Variants in BRF1 observed in about 807,000 individuals in gnomAD.
The protein encoded by BRF1 is BRF1 general transcription factor IIIB subunit, also known as transcription factor IIIB 90 kDa subunit.
Under a neutral mutation model 81.7 loss-of-function variants are expected in BRF1, and 59 were observed. The ratio of observed to expected loss-of-function variants is 0.72; its 90% CI spans 0.59 to 0.90. The LOEUF is 0.90. BRF1 is among the 40% of genes least tolerant of loss of function. The pLI, the probability that BRF1 is intolerant of heterozygous loss-of-function variation, is 0.00. For missense variants in BRF1, 1,050 were observed against 936.3 expected, an observed-to-expected ratio of 1.12 and a Z score of -1.58; for synonymous variants, 491 against 395.6, an observed-to-expected ratio of 1.24 and a Z score of -2.86.
chr14:105,211,078 C>T (rs1301900361), intron 17 of BRF1, 44 bp downstream of exon 17: 2 of 1,605,466 alleles, frequency 1.2e-6, no homozygotes, highest in African/African-American at 2.7e-5. Context: ...TAGCTGATGC[C>T]TTTATTTCCC....
intron 5 of BRF1, among the ~76,000 whole-genome samples, chr14:105,246,598 T>C (rs1273984297): frequency 1.3e-5 from 2 of 151,732 alleles, no homozygotes; most frequent in East Asian, 3.9e-4. Context: ...GCCTCCCGAA[T>C]AGCTGGGATT....
chr14:105,264,153 G>A (rs1258685365), intron 3 of BRF1, among the ~76,000 whole-genome samples: 1 of 152,116 alleles, frequency 6.6e-6, no homozygotes, highest in African/African-American at 2.4e-5. Context: ...ATGAAGAAAT[G>A]AAGAATCTTA....
chr14:105,241,264 C>G lies in BRF1; in HGVS notation c.694+1G>C. 3 of 1,611,204 alleles carry G rather than the reference C, an allele frequency of 1.9e-6. No individual in the cohort carries two copies. Among genetic ancestry groups the G allele is most frequent in the Non-Finnish European group, 2.5e-6 (3 of 1,179,708 alleles). On this transcript the variant is annotated splice_donor_variant, in intron 6 of 17. Coordinates refer to ENST00000547530, the MANE Select transcript of BRF1 (RefSeq NM_001519.4). LOFTEE classifies it high-confidence loss of function. ...CCCCAGGCAGGCAGGGCCCGCTGTACCTGCTCCGCAGAGGCCCGAGGGGCG... is the reference window on the plus strand; with the variant it reads ...CCCCAGGCAGGCAGGGCCCGCTGTAGCTGCTCCGCAGAGGCCCGAGGGGCG...
intron 1 of BRF1, among the ~76,000 whole-genome samples, chr14:105,310,757 A>G (rs10148455): frequency 0.13 from 20,497 of 152,132 alleles, 4,676 homozygotes; most frequent in African/African-American, 0.47. Flanking sequence ...CATGTTCATC[A>G]TGGAGAAAAT....
At chr14:105,221,400 G>A (rs796620626) in intron 11 of BRF1, among the ~76,000 whole-genome samples, 16 of 152,318 alleles carry the variant, frequency 1.1e-4, no homozygotes, top group African/African-American at 3.4e-4. Flanking sequence ...ACCTGAAGGC[G>A]GTCCCAGTGA....
rs760613469 is a variant in BRF1 at position 105,263,234 on chromosome 14, C to CAAAAAAAAA, written c.440-6694_440-6686dup. On this transcript the variant is annotated intron_variant, in intron 3 of 17. Coordinates refer to ENST00000547530, the MANE Select transcript of BRF1 (RefSeq NM_001519.4). ...CCTGGGCAACAGAGTAAGACTCCATCAAAAAAAAAAAAAAAAAAAAAGTAG... is the reference window on the plus strand; with the variant it reads ...CCTGGGCAACAGAGTAAGACTCCATCAAAAAAAAAAAAAAAAAAAAAAAAAAAAAAGTAG... 1.7e-4 allele frequency among the ~76,000 whole-genome samples: 14 copies of CAAAAAAAAA among 83,526 alleles called. 1 individual carries two copies. Among genetic ancestry groups the CAAAAAAAAA allele is most frequent in the African/African-American group, 4.5e-4 (9 of 20,030 alleles). The allele number at this position is 83,526 out of a possible 152,430, so 54.8% of individuals were successfully genotyped here.
At chr14:105,241,852 C>T (rs2054686834) in intron 5 of BRF1, 3 of 218,096 alleles carry the variant, frequency 1.4e-5, no homozygotes, top group South Asian at 1.4e-4. Context: ...GAGAGGAGGG[C>T]CCACTTCTGG....
At chr14:105,223,710 T>C (rs1384168509) in intron 10 of BRF1, among the ~76,000 whole-genome samples, 6 of 152,290 alleles carry the variant, frequency 3.9e-5, no homozygotes, top group African/African-American at 1.4e-4. Context: ...TTCTTGGTTG[T>C]CACTATGGCT....
chr14:105,249,290 C>CCCGT (rs778397572), intron 5 of BRF1: 9 of 1,570,748 alleles, frequency 5.7e-6, no homozygotes, highest in Admixed American at 3.7e-5. Context: ...CCCCGTCCGC[C>CCCGT]CCGTCCGCCG....
At chr14:105,297,904 G>A (rs998947253) in intron 1 of BRF1, among the ~76,000 whole-genome samples, 2 of 152,152 alleles carry the variant, frequency 1.3e-5, no homozygotes, top group Non-Finnish European at 1.5e-5. Flanking sequence ...GCTGAGGCAG[G>A]AGAATGGCGT....
At chr14:105,218,131 C>T (rs1008057586) in intron 14 of BRF1, among the ~76,000 whole-genome samples, 1 of 152,216 alleles carries the variant, frequency 6.6e-6, no homozygotes, top group Non-Finnish European at 1.5e-5. Context: ...ATGCACACGG[C>T]AGGGCGATGT....
At position 105,226,117 on chromosome 14, in the gene BRF1, T is replaced by G; in HGVS notation, c.1000A>C (p.Asn334His). 6.2e-7 allele frequency: 1 copy of G among 1,613,992 alleles called. No homozygotes were observed. The highest frequency in any genetic ancestry group is 1.3e-5 in the African/African-American group (1 of 75,078). ...CCCCCCTTGGCCTTTGGCCGGCTGT[T>G]TTCTAGTTCAATCTCAATTGCATCC... Reference protein sequence around the residue: ...YQDAIEIELENSRPKAKGGLA... With the variant: ...YQDAIEIELEHSRPKAKGGLA... Residue 334 changes from asparagine to histidine, a missense_variant, in exon 10 of 18, where the codon AAC becomes CAC. Transcript: ENST00000547530.
chr14:105,314,381 C>G (rs1415410864), intron 1 of BRF1: 1 of 151,006 alleles, frequency 6.6e-6, no homozygotes, highest in Admixed American at 6.6e-5. Context: ...ATGAGCTTTC[C>G]TTAGGGGGCG....
At chr14:105,307,594 C>G (rs1275253284) in intron 1 of BRF1, among the ~76,000 whole-genome samples, 1 of 152,182 alleles carries the variant, frequency 6.6e-6, no homozygotes, top group Non-Finnish European at 1.5e-5. Context: ...CTCCTGGGTA[C>G]TCAATAGCCC....
intron 4 of BRF1, among the ~76,000 whole-genome samples, chr14:105,255,212 T>TG (rs1371793927): frequency 6.6e-6 from 1 of 152,228 alleles, no homozygotes; most frequent in Non-Finnish European, 1.5e-5. Context: ...TCATCTTCCC[T>TG]GGGAAGTCGT....
intron 2 of BRF1, among the ~76,000 whole-genome samples, chr14:105,274,884 T>A (rs931124234): frequency 2.0e-5 from 3 of 152,124 alleles, no homozygotes; most frequent in African/African-American, 7.2e-5. Flanking sequence ...TCCAGGCAAT[T>A]AGCCCCATGG....
At chr14:105,221,603 T>A in intron 11 of BRF1, 45 bp downstream of exon 11, 1 of 1,578,330 alleles carries the variant, frequency 6.3e-7, no homozygotes, top group Non-Finnish European at 8.5e-7. Context: ...GCCTGAAAGA[T>A]CTCCCGATGA....
At chr14:105,219,825 A>G (rs1891970904) in intron 12 of BRF1, 1 of 572,902 alleles carries the variant, frequency 1.7e-6, no homozygotes, top group African/African-American at 1.9e-5. Context: ...CTATGTGCCG[A>G]GGGCCGCAAG....
Position 105,290,247 on chromosome 14 carries a change from C to T in BRF1, c.185-3871G>A, listed in dbSNP as rs182358855. Among the ~76,000 whole-genome samples the T allele has an allele frequency of 2.4e-3, 365 of 152,114 alleles. 1 individual carries two copies. Among genetic ancestry groups the T allele is most frequent in the Non-Finnish European group, 4.4e-3 (296 of 67,996 alleles). ...CCAGCCTAACCAACAAGGAGAAACC[C>T]CGTGTCTACTAAAAATATGAAATTA... is the stretch of plus-strand genomic sequence containing the variant. On this transcript the variant is annotated intron_variant, in intron 1 of 17. Transcript: ENST00000547530.
Sources: allele counts gnomAD v4.1 joint callset (sites outside exome capture counted in the v4.1 genomes callset), GRCh38; gene constraint gnomAD v4.1.1; transcripts MANE v1.5; gene names NCBI Gene and HGNC (gene_info 2026-07-23, HGNC 2026-07-21).